ZNF277: variants seen among roughly 807,000 people sequenced by gnomAD.
ZNF277 encodes zinc finger protein 277.
Under a neutral mutation model 60.7 loss-of-function variants are expected in ZNF277, and 55 were observed. The ratio of observed to expected loss-of-function variants is 0.91; its 90% CI spans 0.73 to 1.13. The LOEUF is 1.13. Ranked by LOEUF, ZNF277 falls within the 50% of genes most tolerant of loss-of-function variation. The pLI, the probability that ZNF277 is intolerant of heterozygous loss-of-function variation, is 0.00. For missense variants in ZNF277, 510 were observed against 523.0 expected, an observed-to-expected ratio of 0.98 and a Z score of 0.24; for synonymous variants, 178 against 179.3, an observed-to-expected ratio of 0.99 and a Z score of 0.06.
chr7:112,263,799 A>G (rs1371561171), intron 1 of ZNF277, among the ~76,000 whole-genome samples: 2 of 152,122 alleles, frequency 1.3e-5, no homozygotes, highest in Non-Finnish European at 2.9e-5. Flanking sequence ...TGAGCATCAC[A>G]TATCTCTGTG....
chr7:112,294,073 C>T (rs73197337), intron 2 of ZNF277, among the ~76,000 whole-genome samples: 12 of 152,350 alleles, frequency 7.9e-5, no homozygotes, highest in Non-Finnish European at 1.6e-4. Context: ...TGTGTTCCTT[C>T]ATCCCTGTCA....
chr7:112,320,116 T>C (rs1584407942), intron 5 of ZNF277, among the ~76,000 whole-genome samples: 2 of 152,174 alleles, frequency 1.3e-5, no homozygotes, highest in Non-Finnish European at 2.9e-5. Flanking sequence ...GATACTGATA[T>C]GATTTGAAAT....
chr7:112,221,943 C>A (rs1389376210), intron 1 of ZNF277, among the ~76,000 whole-genome samples: 1 of 152,218 alleles, frequency 6.6e-6, no homozygotes, highest in African/African-American at 2.4e-5. Context: ...TTCTCCACAT[C>A]TATGGAGTCA....
intron 4 of ZNF277, among the ~76,000 whole-genome samples, chr7:112,296,993 T>G (rs1792368030): frequency 7.1e-6 from 1 of 140,050 alleles, no homozygotes; most frequent in African/African-American, 2.6e-5. Flanking sequence ...AGTGGTGTGA[T>G]CTCAGCTCAC....
chr7:112,229,786 G>GAATATTTTATAAA, intron 1 of ZNF277, among the ~76,000 whole-genome samples: 1 of 152,210 alleles, frequency 6.6e-6, no homozygotes, highest in African/African-American at 2.4e-5. Flanking sequence ...CACTGAAGCA[G>GAATATTTTATAAA]CAAGTTAATT....
intron 9 of ZNF277, among the ~76,000 whole-genome samples, chr7:112,339,028 C>G (rs1166445998): frequency 6.6e-6 from 1 of 152,070 alleles, no homozygotes; most frequent in African/African-American, 2.4e-5. Flanking sequence ...TTGTAAAAAT[C>G]AAAAGAAAGC....
chr7:112,218,751 G>C (rs181654809), intron 1 of ZNF277, among the ~76,000 whole-genome samples: 37 of 152,116 alleles, frequency 2.4e-4, no homozygotes, highest in African/African-American at 8.4e-4. Flanking sequence ...ATTTAACTTC[G>C]CATTCTCCAG....
At chr7:112,310,194 A>G (rs2117099074) in intron 4 of ZNF277, among the ~76,000 whole-genome samples, 1 of 152,108 alleles carries the variant, frequency 6.6e-6, no homozygotes, top group East Asian at 1.9e-4. Flanking sequence ...CCCACTAATC[A>G]CATTGTTGGT....
chr7:112,242,331 C>T (rs1347049065), intron 1 of ZNF277, among the ~76,000 whole-genome samples: 1 of 151,794 alleles, frequency 6.6e-6, no homozygotes, highest in Non-Finnish European at 1.5e-5. Context: ...GACAGCATTC[C>T]CCCTAAGAAA....
At chr7:112,342,539 A>G (rs370664166) in intron 11 of ZNF277, 22 bp from the exon 12 acceptor site, 344 of 1,584,826 alleles carry the variant, frequency 2.2e-4, no homozygotes, top group Non-Finnish European at 2.8e-4. Context: ...ATTTAATACT[A>G]TGTATCTGTG....
In ZNF277 at chr7:112,325,885, C is replaced by T. The variant is rs78692346; in HGVS notation, c.558-1832C>T. Among the ~76,000 whole-genome samples the T allele has an allele frequency of 2.1e-4, 32 of 152,314 alleles. No individual in the cohort carries two copies. In the East Asian group the frequency reaches 6.0e-3, roughly 29 times the overall value. ...ATCCCTCCCAGCAAGCTGCTGGCTG[C>T]GGCCAAAATCCTTGCTGAACCAATC... On this transcript the variant is annotated intron_variant, in intron 5 of 11. Transcript: ENST00000361822.
chr7:112,221,275 A>G (rs2116962010), intron 1 of ZNF277, among the ~76,000 whole-genome samples: 1 of 152,226 alleles, frequency 6.6e-6, no homozygotes, highest in South Asian at 2.1e-4. Flanking sequence ...TAGAGCTGTA[A>G]CACTCACCAT....
chr7:112,305,044 T>G lies in ZNF277; in HGVS notation c.465+8733T>G, dbSNP rs1330781636. Among the ~76,000 whole-genome samples the G allele has an allele frequency of 4.6e-5, 7 of 152,230 alleles. No homozygotes were observed. The East Asian group carries it at 9.6e-4, about 21-fold the overall frequency. The stretch of plus-strand genomic sequence containing the variant: ...TGTTCCTCAAACACACCAAGCTGTT[T>G]CCAGCTTTAAGGACTTCGCACTTGC... On this transcript the variant is annotated intron_variant, in intron 4 of 11. Transcript: ENST00000361822.
At chr7:112,212,804 TTTATA>T (rs1303037574) in intron 1 of ZNF277, among the ~76,000 whole-genome samples, 7 of 152,192 alleles carry the variant, frequency 4.6e-5, no homozygotes, top group Non-Finnish European at 8.8e-5. Flanking sequence ...TCTGCAAGCC[TTTATA>T]TTATCTTCTG....
intron 1 of ZNF277, among the ~76,000 whole-genome samples, chr7:112,272,546 T>G (rs1014073844): frequency 2.6e-5 from 4 of 152,290 alleles, no homozygotes; most frequent in African/African-American, 9.6e-5. Flanking sequence ...CAGGCTGGAG[T>G]GCAATGGCAC....
chr7:112,312,933 T>C (rs1014011398), intron 4 of ZNF277, among the ~76,000 whole-genome samples: 2 of 152,108 alleles, frequency 1.3e-5, no homozygotes, highest in African/African-American at 4.8e-5. Flanking sequence ...TAGTTACATA[T>C]TTAAAATATT....
At chr7:112,310,485 GTGTGT>G (rs1563224355) in intron 4 of ZNF277, among the ~76,000 whole-genome samples, 4 of 147,210 alleles carry the variant, frequency 2.7e-5, no homozygotes, top group African/African-American at 1.1e-4. Flanking sequence ...GAGAGTGTGT[GTGTGT>G]GTATGTATTT....
chr7:112,305,808 T>C (rs1792576279), intron 4 of ZNF277, among the ~76,000 whole-genome samples: 1 of 152,138 alleles, frequency 6.6e-6, no homozygotes, highest in African/African-American at 2.4e-5. Context: ...CATGCCTTGA[T>C]GTCAGTTCCT....
At chr7:112,266,796 A>C (rs1046810753) in intron 1 of ZNF277, among the ~76,000 whole-genome samples, 1 of 152,188 alleles carries the variant, frequency 6.6e-6, no homozygotes, top group Non-Finnish European at 1.5e-5. Flanking sequence ...CGGTTTCGAA[A>C]TATCCCTGGG....
Sources: gnomAD v4.1 joint callset for allele counts (sites outside exome capture counted in the v4.1 genomes callset) on GRCh38, gnomAD v4.1.1 for gene constraint, MANE v1.5 for transcripts, NCBI Gene and HGNC (gene_info 2026-07-23, HGNC 2026-07-21) for gene names.